The following TMEM243 variants were observed in gnomAD, a reference collection of about 807,000 sequenced individuals.
TMEM243 encodes the protein MDR1 and mitochondrial taxol resistance associated.
TMEM243 carries 20 observed loss-of-function variants against 15.0 expected under a neutral mutation model. That is an observed-to-expected ratio of 1.33 (90% CI 0.94 to 1.93). TMEM243 has a LOEUF of 1.93. Ranked by LOEUF, TMEM243 falls within the 30% of genes most tolerant of loss-of-function variation. The pLI is 0.00. For synonymous variants in TMEM243, 72 were observed against 52.7 expected, an observed-to-expected ratio of 1.37 and a Z score of -1.59; for missense variants, 156 against 142.1, an observed-to-expected ratio of 1.10 and a Z score of -0.50.
rs1471325556 is a variant in TMEM243, at chr7:87,197,976, A to G, written c.199T>C (p.Cys67Arg). 1.2e-6 allele frequency: 2 copies of G among 1,613,028 alleles called. No individual in the cohort carries two copies. The highest frequency in any genetic ancestry group is 8.5e-7 in the Non-Finnish European group (1 of 1,179,372). The change falls in exon 3 of 4, where the codon TGC (cysteine) becomes CGC (arginine). Residue 67 changes from cysteine (C) to arginine (R), a missense_variant. Transcript: ENST00000257637. ...PKPLNIFFAV[C>R]ISLSSITACI... is the part of the protein sequence containing the mutation. ...GCAGTAATACTACTCAAAGAGATGC[A>G]GACAGCAAAGAATATATTCAACGGT...
chr7:87,211,812 A>G (rs1177305461), intron 1 of TMEM243, among the ~76,000 whole-genome samples: 1 of 152,226 alleles, frequency 6.6e-6, no homozygotes, highest in East Asian at 1.9e-4. Flanking sequence ...ACAGGTGGAA[A>G]GCAAGGAGAC....
At chr7:87,213,309 T>C (rs2129237351) in intron 1 of TMEM243, among the ~76,000 whole-genome samples, 1 of 152,350 alleles carries the variant, frequency 6.6e-6, no homozygotes, top group Middle Eastern at 3.4e-3. Context: ...GAAAAAGTGA[T>C]GGCATTTATT....
At chr7:87,207,220 C>G (rs905199913) in intron 1 of TMEM243, among the ~76,000 whole-genome samples, 4 of 152,216 alleles carry the variant, frequency 2.6e-5, no homozygotes, top group Non-Finnish European at 4.4e-5. Context: ...CTCTGAACTC[C>G]AGCTGACAAA....
At chr7:87,206,262 T>C (rs1802210439) in intron 1 of TMEM243, among the ~76,000 whole-genome samples, 1 of 152,154 alleles carries the variant, frequency 6.6e-6, no homozygotes, top group Non-Finnish European at 1.5e-5. Context: ...AGGCAAACCA[T>C]ATCATCATCC....
intron 1 of TMEM243, among the ~76,000 whole-genome samples, chr7:87,219,169 T>TC (rs1803312352): frequency 6.6e-6 from 1 of 152,108 alleles, no homozygotes; most frequent in Admixed American, 6.5e-5. Context: ...GTTCCCGCAC[T>TC]CCCCAGAAGG....
chr7:87,213,047 GAA>G (rs1802864984), intron 1 of TMEM243, among the ~76,000 whole-genome samples: 1 of 152,226 alleles, frequency 6.6e-6, no homozygotes, highest in African/African-American at 2.4e-5. Context: ...GATATTTAGA[GAA>G]GAGAGGACAC....
rs141492618 is a variant in TMEM243 at position 87,206,117 on chromosome 7, T to C, written c.79-7060A>G. 2.8e-3 allele frequency among the ~76,000 whole-genome samples: 428 copies of C among 152,286 alleles called. 3 individuals are homozygous for C. Among genetic ancestry groups the C allele is most frequent in the African/African-American group, 8.8e-3 (364 of 41,560 alleles). On this transcript the variant is annotated intron_variant, in intron 1 of 3. Transcript: ENST00000257637. ...CCCCTTATAAAATCATCAGATCTCA[T>C]GAGACTTATTCACTACCACAAGAAC...
intron 2 of TMEM243, 57 bp downstream of exon 2, chr7:87,198,950 A>T (rs1801585631): frequency 6.9e-7 from 1 of 1,450,680 alleles, no homozygotes; most frequent in Admixed American, 2.5e-5. Context: ...ACCATAATTG[A>T]TAAAGTTTTC....
In TMEM243 at chr7:87,198,749, C is replaced by T. The variant is rs1042128397; in HGVS notation, c.129+258G>A. On this transcript the variant is annotated intron_variant, in intron 2 of 3. Transcript: ENST00000257637. ...GACAGAAGGAAGTGGCTACTAGCCACTGACATTTTTACAAATTTACTAGGC... is the reference window on the plus strand; with the variant it reads ...GACAGAAGGAAGTGGCTACTAGCCATTGACATTTTTACAAATTTACTAGGC... The T allele has an allele frequency of 6.1e-6, 3 of 491,304 alleles. No individual in the cohort carries two copies. The African/African-American group carries it at 6.1e-5, about 10-fold the overall frequency. 30.4% of individuals were successfully genotyped at this position (491,304 alleles called of 1,614,324 possible).
chr7:87,204,480 A>C (rs924936001), intron 1 of TMEM243, among the ~76,000 whole-genome samples: 2 of 152,234 alleles, frequency 1.3e-5, no homozygotes, highest in African/African-American at 2.4e-5. Flanking sequence ...AAAGCATGTT[A>C]GTTACTTCCT....
intron 1 of TMEM243, chr7:87,202,947 A>C (rs1305816409): frequency 6.6e-6 from 1 of 152,302 alleles, no homozygotes; most frequent in Non-Finnish European, 1.5e-5. Context: ...TAAAAGCCAG[A>C]GAACCCCTAT....
At chr7:87,213,866 C>A (rs554264894) in intron 1 of TMEM243, among the ~76,000 whole-genome samples, 52 of 152,160 alleles carry the variant, frequency 3.4e-4, no homozygotes, top group African/African-American at 1.1e-3. Context: ...GCCCACTACA[C>A]TTGCCCCCTC....
intron 3 of TMEM243, 21 bp downstream of exon 3, chr7:87,197,920 T>TAAC (rs1487942664): frequency 2.5e-6 from 4 of 1,612,824 alleles, no homozygotes; most frequent in Non-Finnish European, 3.4e-6. Flanking sequence ...GAACACTGTT[T>TAAC]AAATTCTCAA....
At chr7:87,202,002 G>A (rs1410410614) in intron 1 of TMEM243, among the ~76,000 whole-genome samples, 3 of 152,188 alleles carry the variant, frequency 2.0e-5, no homozygotes, top group Non-Finnish European at 2.9e-5. Context: ...TTTAGAGATA[G>A]TCTGAATTCA....
chr7:87,198,154 C>T lies in TMEM243; in HGVS notation c.130-109G>A, dbSNP rs113398152. 2.9e-3 allele frequency: 2,408 copies of T among 832,732 alleles called. 40 individuals carry two copies. In the African/African-American group the frequency reaches 0.036, roughly 13 times the overall value. 51.6% of individuals were successfully genotyped at this position (832,732 alleles called of 1,614,324 possible). ...CAAAATGCTTCATGTTATAAAATTA[C>T]ATCTGCCACCAAGTTTGCTTTCTAG... On this transcript the variant is annotated intron_variant, in intron 2 of 3. Transcript: ENST00000257637.
At chr7:87,198,491 T>C (rs1401597611) in intron 2 of TMEM243, 2 of 168,280 alleles carry the variant, frequency 1.2e-5, no homozygotes, top group Non-Finnish European at 2.5e-5. Context: ...TGCAATCTTT[T>C]CATTAAGAAG....
In TMEM243 at chr7:87,196,283, T is replaced by C. The variant is rs986429829; in HGVS notation, c.*353A>G. 39 of 168,320 alleles carry C rather than the reference T, an allele frequency of 2.3e-4. No homozygotes were observed. Among genetic ancestry groups the C allele is most frequent in the African/African-American group, 7.1e-4 (30 of 42,016 alleles). 10.4% of individuals were successfully genotyped at this position (168,320 alleles called of 1,614,324 possible). ...CAAAAGTTGGTTGCCTAGGGAACAATTGTATATTCAGTTTAACAGAAATAA... is the reference window on the plus strand; with the variant it reads ...CAAAAGTTGGTTGCCTAGGGAACAACTGTATATTCAGTTTAACAGAAATAA... On this transcript the variant is annotated 3_prime_UTR_variant, in exon 4 of 4. Coordinates refer to ENST00000257637, the MANE Select transcript of TMEM243 (RefSeq NM_024315.4).
At chr7:87,213,716 A>C (rs1030151805) in intron 1 of TMEM243, among the ~76,000 whole-genome samples, 2 of 152,194 alleles carry the variant, frequency 1.3e-5, no homozygotes, top group Non-Finnish European at 2.9e-5. Context: ...AAATGCTCCA[A>C]GTTTGAATTG....
At chr7:87,198,957 T>A (rs1801586644) in intron 2 of TMEM243, 50 bp downstream of exon 2, 1 of 1,487,444 alleles carries the variant, frequency 6.7e-7, no homozygotes, top group African/African-American at 1.5e-5. Flanking sequence ...TTGATAAAGT[T>A]TTCAAAACTG....
Sources: allele counts gnomAD v4.1 joint callset (sites outside exome capture counted in the v4.1 genomes callset), GRCh38; gene constraint gnomAD v4.1.1; transcripts MANE v1.5; gene names NCBI Gene and HGNC (gene_info 2026-07-23, HGNC 2026-07-21).